The following RTN4 variants were observed in gnomAD, a reference collection of about 807,000 sequenced individuals.
RTN4 encodes reticulon 4.
In RTN4, 32 loss-of-function variants were observed where a neutral mutation model predicts 90.4. That is an observed-to-expected ratio of 0.35 (90% CI 0.27 to 0.48). The LOEUF (loss-of-function observed/expected upper bound fraction) is 0.48. RTN4 is among the 20% of genes least tolerant of loss of function. The pLI, the probability that RTN4 is intolerant of heterozygous loss-of-function variation, is 0.99. For synonymous variants in RTN4, 629 were observed against 552.5 expected (o/e 1.14, Z -1.94); for missense variants, 1,706 against 1,430.2 (o/e 1.19, Z -3.11).
At chr2:55,122,002 CT>C in the RTN4 span, among the ~76,000 whole-genome samples, 1 of 151,128 alleles carries the variant, frequency 6.6e-6, no homozygotes, top group African/African-American at 2.4e-5. Context: ...TTTCTTTTTT[CT>C]TTTTTTTTCT....
At chr2:54,985,153 CTTTTTTTTTTTTTTTTTT>C (rs71769973) in intron 4 of RTN4, among the ~76,000 whole-genome samples, 1 of 57,864 alleles carries the variant, frequency 1.7e-5, no homozygotes, top group East Asian at 6.0e-4. Context: ...ATGACTCGGC[CTTTTTTTTTTTTTTTTTT>C]TTTTTTTTGA....
At chr2:54,999,721 C>T (rs920167611) in intron 3 of RTN4, among the ~76,000 whole-genome samples, 3 of 152,090 alleles carry the variant, frequency 2.0e-5, no homozygotes, top group Non-Finnish European at 2.9e-5. Context: ...TTAAGAATCA[C>T]AACCCTTAAT....
intron 1 of RTN4, among the ~76,000 whole-genome samples, chr2:55,102,173 T>C (rs903567547): frequency 1.3e-5 from 2 of 152,156 alleles, no homozygotes; most frequent in African/African-American, 4.8e-5. Context: ...CATTTTTCAG[T>C]TCTTTGGAGC....
chr2:55,058,698 G>A (rs950588267), intron 2 of RTN4, among the ~76,000 whole-genome samples: 2 of 152,092 alleles, frequency 1.3e-5, no homozygotes, highest in African/African-American at 4.8e-5. Flanking sequence ...GTGCTTCCAG[G>A]ATGCTAAGAA....
chr2:55,071,970 T>C (rs868510094), intron 2 of RTN4, among the ~76,000 whole-genome samples: 2 of 152,150 alleles, frequency 1.3e-5, no homozygotes, highest in African/African-American at 4.8e-5. Flanking sequence ...AAAATCAACT[T>C]CATTTATTTG....
In RTN4 at chr2:55,025,826, T is replaced by G. The variant is rs755455496; in HGVS notation, c.2273A>C (p.Gln758Pro). The G allele has an allele frequency of 6.2e-7, 1 of 1,613,736 alleles. No homozygotes were observed. Among genetic ancestry groups the G allele is most frequent in the Non-Finnish European group, 8.5e-7 (1 of 1,179,820 alleles). ...FSDDSIPDVP[Q>P]KQDETVMLVK... ...AAGCATCACAGTTTCATCTTGTTTT[T>G]GTGGAACGTCAGGTATTGAATCATC... Residue 758 changes from glutamine to proline, a missense_variant, in exon 3 of 9, where the codon CAA (glutamine) becomes CCA (proline). Gln to Pro is a moderately conservative substitution (Grantham distance 76). Coordinates refer to ENST00000337526, the MANE Select transcript of RTN4 (RefSeq NM_020532.5).
At position 54,972,473 on chromosome 2, in the gene RTN4, T is replaced by G. The variant is rs1275923610; in HGVS notation, c.*683A>C. The G allele has an allele frequency of 6.6e-6, 1 of 152,608 alleles. No individual in the cohort carries two copies. The highest frequency in any genetic ancestry group is 1.5e-5 in the Non-Finnish European group (1 of 68,030). 9.5% of individuals were successfully genotyped at this position (152,608 alleles called of 1,614,324 possible). On this transcript the variant is annotated 3_prime_UTR_variant, in exon 9 of 9. Transcript: ENST00000337526. Reference sequence around the variant, plus strand: ...TCATGTTGAAAACAGATGGTAGTGCTCCTAGAAATATTTCTTCTTCTAGCT... The same window carrying G: ...TCATGTTGAAAACAGATGGTAGTGCGCCTAGAAATATTTCTTCTTCTAGCT...
chr2:55,009,952 G>GT, intron 3 of RTN4: 1 of 963,818 alleles, frequency 1.0e-6, no homozygotes, highest in Middle Eastern at 3.1e-4. Context: ...TGAGATAGCC[G>GT]TTTTAATCCT....
chr2:54,978,660 C>T (rs1176960697), intron 5 of RTN4, among the ~76,000 whole-genome samples: 1 of 152,116 alleles, frequency 6.6e-6, no homozygotes, highest in Non-Finnish European at 1.5e-5. Flanking sequence ...ATTTCTACTA[C>T]ATTTTCCTGA....
chr2:55,071,637 A>C (rs1668516101), intron 2 of RTN4, among the ~76,000 whole-genome samples: 1 of 151,762 alleles, frequency 6.6e-6, no homozygotes. Context: ...GCAGGCGATC[A>C]CTGACTTCAG....
intron 1 of RTN4, among the ~76,000 whole-genome samples, chr2:55,032,057 AAACAAAT>A (rs1458302129): frequency 6.6e-6 from 1 of 152,166 alleles, no homozygotes; most frequent in Non-Finnish European, 1.5e-5. Flanking sequence ...AAATATAAAC[AAACAAAT>A]AACGTAGACG....
At position 55,104,995 on chromosome 2, in the gene RTN4, TGA is replaced by T. The variant is rs372063885; in HGVS notation, c.-214+7523_-214+7524del. Among the ~76,000 whole-genome samples the T allele has an allele frequency of 1.1e-3, 163 of 151,738 alleles. 1 individual carries two copies. Among genetic ancestry groups the T allele is most frequent in the Middle Eastern group, 6.8e-3 (2 of 294 alleles). Reference sequence around the variant, plus strand: ...CTAATTTTTATATTTTTTGTAGAGATGAGGTTTTGCCATGTTGCCCGGGCTGG... The same window carrying T: ...CTAATTTTTATATTTTTTGTAGAGATGGTTTTGCCATGTTGCCCGGGCTGG... On this transcript the variant is annotated intron_variant, in intron 1 of 3. Coordinates refer to the RTN4 transcript ENST00000427710.
the RTN4 span, among the ~76,000 whole-genome samples, chr2:55,136,455 C>T: frequency 3.9e-5 from 6 of 152,212 alleles, no homozygotes; most frequent in Non-Finnish European, 8.8e-5. Context: ...TCAAGTCGCC[C>T]GCTTGGCCCT....
At chr2:55,105,388 C>A (rs937260981) in intron 1 of RTN4, among the ~76,000 whole-genome samples, 3 of 151,794 alleles carry the variant, frequency 2.0e-5, no homozygotes, top group African/African-American at 7.3e-5. Context: ...TGCCACCACA[C>A]CCGGCTAATT....
chr2:55,068,057 G>T (rs1485810163), intron 2 of RTN4, among the ~76,000 whole-genome samples: 1 of 152,134 alleles, frequency 6.6e-6, no homozygotes, highest in African/African-American at 2.4e-5. Flanking sequence ...CTGTTGTTTT[G>T]GTTGAAGTAT....
chr2:55,115,265 C>T (rs1406922685), upstream of RTN4, among the ~76,000 whole-genome samples: 2 of 152,196 alleles, frequency 1.3e-5, no homozygotes, highest in African/African-American at 2.4e-5. Flanking sequence ...CACTAGAGGA[C>T]AATCTGTTTC....
At chr2:55,135,739 G>T in the RTN4 span, among the ~76,000 whole-genome samples, 1 of 152,018 alleles carries the variant, frequency 6.6e-6, no homozygotes, top group Non-Finnish European at 1.5e-5. Context: ...AGTCCTTCCT[G>T]CCAATCCCCC....
chr2:54,988,534 G>A (rs1558770812), intron 3 of RTN4, among the ~76,000 whole-genome samples: 3 of 151,848 alleles, frequency 2.0e-5, no homozygotes, highest in African/African-American at 4.8e-5. Flanking sequence ...TGATTTTTTT[G>A]TGCTAGTAAT....
chr2:55,050,764 C>T (rs1386428290), upstream of RTN4: 1 of 152,676 alleles, frequency 6.5e-6, no homozygotes, highest in Admixed American at 6.5e-5. The surrounding 1 kb of genome is among the most constrained non-coding windows in gnomAD (Gnocchi z 4.6). Flanking sequence ...GGGAGCTCCA[C>T]CCCCACTTTG....
Sources: allele counts gnomAD v4.1 joint callset (sites outside exome capture counted in the v4.1 genomes callset), GRCh38; gene constraint gnomAD v4.1.1; non-coding constraint Gnocchi (gnomAD v3.1); transcripts MANE v1.5; gene names NCBI Gene and HGNC (gene_info 2026-07-23, HGNC 2026-07-21).